The following TRIM9 variants were observed in gnomAD, a reference collection of about 807,000 sequenced individuals.
TRIM9 encodes tripartite motif containing 9.
Under a neutral mutation model 78.3 loss-of-function variants are expected in TRIM9, and 26 were observed. The ratio of observed to expected loss-of-function variants is 0.33; its 90% CI spans 0.24 to 0.46. The LOEUF (loss-of-function observed/expected upper bound fraction) is 0.46, where lower values mean the gene tolerates loss of function less well. Among genes scored for constraint, TRIM9 ranks in the 20% least tolerant of loss-of-function variants. The pLI is 1.00. For synonymous variants in TRIM9, 398 were observed against 416.5 expected (o/e 0.96, Z 0.54); for missense variants, 787 against 1,036.4 (o/e 0.76, Z 3.30).
intron 1 of TRIM9, among the ~76,000 whole-genome samples, chr14:51,035,339 G>A (rs1302626183): frequency 6.6e-6 from 1 of 152,068 alleles, no homozygotes; most frequent in Non-Finnish European, 1.5e-5. Context: ...AGATCTAAGT[G>A]GAAACTTGAG....
At chr14:51,017,650 T>A (rs2057343788) in intron 3 of TRIM9, among the ~76,000 whole-genome samples, 1 of 152,182 alleles carries the variant, frequency 6.6e-6, no homozygotes, top group Admixed American at 6.5e-5. Context: ...TTTTGTAGCA[T>A]GTGAAGTGTA....
chr14:51,060,272 A>G (rs2061235589), intron 1 of TRIM9, among the ~76,000 whole-genome samples: 1 of 152,178 alleles, frequency 6.6e-6, no homozygotes, highest in Admixed American at 6.5e-5. Context: ...TCAAAGTCTT[A>G]TATCAGCCTA....
Position 50,977,023 on chromosome 14 carries a change from G to A in TRIM9, c.*268C>T. 2 of 334,168 alleles carry A rather than the reference G, an allele frequency of 6.0e-6. No individual in the cohort carries two copies. The highest frequency in any genetic ancestry group is 1.1e-5 in the Non-Finnish European group (2 of 185,178). 20.7% of individuals were successfully genotyped at this position (334,168 alleles called of 1,614,324 possible). On this transcript the variant is annotated 3_prime_UTR_variant, in exon 13 of 13. Coordinates refer to ENST00000684578, the MANE Select transcript of TRIM9 (RefSeq NM_001387360.1). ...AGTTAAATAAAAGCAAAATCTGGGAGTGGGAACCAAGTGACTTGGTGGGCT... is the reference window on the plus strand; with the variant it reads ...AGTTAAATAAAAGCAAAATCTGGGAATGGGAACCAAGTGACTTGGTGGGCT...
chr14:50,998,940 T>C (rs1195075760), intron 6 of TRIM9, among the ~76,000 whole-genome samples: 1 of 152,200 alleles, frequency 6.6e-6, no homozygotes, highest in African/African-American at 2.4e-5. Flanking sequence ...TCTGGTAGGA[T>C]ACTAAGAAGA....
chr14:51,042,200 T>C (rs1328177462), intron 1 of TRIM9, among the ~76,000 whole-genome samples: 1 of 152,210 alleles, frequency 6.6e-6, no homozygotes, highest in South Asian at 2.1e-4. Flanking sequence ...GTTGCAAGTA[T>C]GTGACAGAAA....
chr14:51,040,278 T>C lies in TRIM9; in HGVS notation c.823-14918A>G, dbSNP rs537178543. Among the ~76,000 whole-genome samples the C allele has an allele frequency of 9.9e-5, 15 of 152,252 alleles. No individual in the cohort carries two copies. The South Asian group carries it at 3.1e-3, about 32-fold the overall frequency. On this transcript the variant is annotated intron_variant, in intron 1 of 12. Transcript: ENST00000684578. ...ACAGAAATAGTTGACTGAATTTTCT[T>C]TAATATTTGATGCTGGTGCCCCTCA...
intron 4 of TRIM9, 64 bp downstream of exon 4, chr14:51,010,320 A>G: frequency 7.3e-7 from 1 of 1,363,998 alleles, no homozygotes; most frequent in South Asian, 1.2e-5. Context: ...AGTCTGACTT[A>G]AGCATCCTAG....
intron 3 of TRIM9, among the ~76,000 whole-genome samples, chr14:51,014,470 A>G (rs1313586532): frequency 6.6e-6 from 1 of 152,178 alleles, no homozygotes; most frequent in Non-Finnish European, 1.5e-5. Flanking sequence ...TCAACCATTC[A>G]CAATGATCAC....
At chr14:51,084,527 T>C (rs936480192) in intron 1 of TRIM9, among the ~76,000 whole-genome samples, 1 of 152,212 alleles carries the variant, frequency 6.6e-6, no homozygotes, top group Non-Finnish European at 1.5e-5. Context: ...CTTGGCTAGA[T>C]GACTGATGGT....
chr14:51,051,185 A>T (rs1303592511), intron 1 of TRIM9, among the ~76,000 whole-genome samples: 1 of 152,252 alleles, frequency 6.6e-6, no homozygotes, highest in Non-Finnish European at 1.5e-5. Context: ...AAATATTATC[A>T]TACCCAGATA....
At chr14:51,062,924 T>C (rs1455785557) in intron 1 of TRIM9, among the ~76,000 whole-genome samples, 1 of 152,156 alleles carries the variant, frequency 6.6e-6, no homozygotes, top group Admixed American at 6.5e-5. Context: ...AAATCCACCC[T>C]AACAAAGTAG....
intron 1 of TRIM9, among the ~76,000 whole-genome samples, chr14:51,043,546 C>T (rs1324669757): frequency 2.0e-5 from 3 of 152,234 alleles, no homozygotes; most frequent in African/African-American, 7.2e-5. Flanking sequence ...GTGTCCTCAC[C>T]TAGGACCAAC....
At chr14:51,020,076 C>T (rs1243389665) in intron 3 of TRIM9, among the ~76,000 whole-genome samples, 2 of 152,144 alleles carry the variant, frequency 1.3e-5, no homozygotes, top group Non-Finnish European at 2.9e-5. Flanking sequence ...CAGCAAAAAG[C>T]AGGCCCTCAG....
intron 4 of TRIM9, 109 bp from the exon 5 acceptor site, chr14:51,009,342 C>G: frequency 2.2e-6 from 3 of 1,337,942 alleles, no homozygotes; most frequent in Non-Finnish European, 3.1e-6. Context: ...CTTGAGGACT[C>G]ATACTCTGAC....
intron 6 of TRIM9, among the ~76,000 whole-genome samples, chr14:50,999,211 A>G (rs7493839): frequency 0.029 from 4,390 of 152,196 alleles, 214 homozygotes; most frequent in African/African-American, 0.1. Flanking sequence ...ACAAAATAAG[A>G]TAATTATTTA....
chr14:50,982,459 C>T, intron 10 of TRIM9: 1 of 360,250 alleles, frequency 2.8e-6, no homozygotes, highest in Non-Finnish European at 5.2e-6. Context: ...CGCTAAGATG[C>T]CTGTGTAACC....
chr14:50,990,308 C>T (rs2053331798), intron 7 of TRIM9, among the ~76,000 whole-genome samples: 1 of 152,140 alleles, frequency 6.6e-6, no homozygotes, highest in African/African-American at 2.4e-5. Context: ...TGAGCCATGG[C>T]ACCCAGCCCA....
chr14:51,086,543 T>A (rs978328366), intron 1 of TRIM9, among the ~76,000 whole-genome samples: 1 of 152,228 alleles, frequency 6.6e-6, no homozygotes, highest in Non-Finnish European at 1.5e-5. Context: ...CCAACCTTTA[T>A]CTAACTTCTA....
At chr14:50,990,978 G>C (rs978098712) in intron 7 of TRIM9, among the ~76,000 whole-genome samples, 4 of 152,174 alleles carry the variant, frequency 2.6e-5, no homozygotes, top group South Asian at 2.1e-4. Context: ...ATAATAAAAG[G>C]TGGTATTTTA....
Sources: allele counts gnomAD v4.1 joint callset (sites outside exome capture counted in the v4.1 genomes callset), GRCh38; gene constraint gnomAD v4.1.1; transcripts MANE v1.5; gene names NCBI Gene and HGNC (gene_info 2026-07-23, HGNC 2026-07-21).